MGST1: variants seen among roughly 807,000 people sequenced by gnomAD.
The protein encoded by MGST1 is glutathione S-transferase 12.
Under a neutral mutation model 8.9 loss-of-function variants are expected in MGST1, and 5 were observed. That is an observed-to-expected ratio of 0.56 (90% CI 0.29 to 1.19). MGST1 has a LOEUF of 1.19. Among genes scored for constraint, MGST1 ranks in the 50% most tolerant of loss-of-function variants. The pLI is 0.08. For missense variants in MGST1, 182 were observed against 187.4 expected, an observed-to-expected ratio of 0.97 and a Z score of 0.17; for synonymous variants, 54 against 67.8, an observed-to-expected ratio of 0.80 and a Z score of 1.00.
chr12:16,583,270 G>A (rs1372367757), intron 4 of MGST1, among the ~76,000 whole-genome samples: 1 of 152,098 alleles, frequency 6.6e-6, no homozygotes, highest in Non-Finnish European at 1.5e-5. Flanking sequence ...GGAGTGCAAA[G>A]GAGGTTGAGG....
chr12:16,362,292 C>G lies in MGST1; in HGVS notation c.222-1503C>G, dbSNP rs1160090651. Among the ~76,000 whole-genome samples the G allele has an allele frequency of 2.6e-5, 4 of 152,120 alleles. No individual in the cohort carries two copies. The highest frequency in any genetic ancestry group is 4.4e-5 in the Non-Finnish European group (3 of 68,030). The stretch of plus-strand genomic sequence containing the variant: ...GAAAGAGAGGGCACAGGAACACTCA[C>G]ACCATCCTCTCTTTGCTTTTATTCT... On this transcript the variant is annotated intron_variant, in intron 3 of 3. Transcript: ENST00000396210. This position sits in a 1 kb window ranked among gnomAD's most constrained non-coding sequence, Gnocchi z 4.4.
intron 4 of MGST1, chr12:16,551,236 G>C: frequency 6.2e-7 from 1 of 1,604,210 alleles, no homozygotes. Context: ...CGAACCTGGG[G>C]TGCATAACCT....
chr12:16,525,467 A>G (rs1160697370), intron 4 of MGST1, among the ~76,000 whole-genome samples: 2 of 151,470 alleles, frequency 1.3e-5, no homozygotes, highest in Non-Finnish European at 2.9e-5. Flanking sequence ...TACAAAGCAC[A>G]TGAACTCATC....
Position 16,517,782 on chromosome 12 carries a change from G to T in MGST1, n.483-71746G>T, listed in dbSNP as rs1302796470. Among the ~76,000 whole-genome samples the T allele has an allele frequency of 6.6e-6, 1 of 152,110 alleles. No individual in the cohort carries two copies. Among genetic ancestry groups the T allele is most frequent in the Admixed American group, 6.5e-5 (1 of 15,274 alleles). ...TAACAAAGTAGCAATAAATGCCAGTGGTGGACTTTGAGGTTTTTGGATTCT... is the reference window on the plus strand; with the variant it reads ...TAACAAAGTAGCAATAAATGCCAGTTGTGGACTTTGAGGTTTTTGGATTCT... On this transcript the variant is annotated intron_variant and non_coding_transcript_variant, in intron 4 of 4. Coordinates refer to the MGST1 transcript ENST00000538857. The surrounding 1 kb of genome is among the most constrained non-coding windows in gnomAD (Gnocchi z 4.2).
At position 16,517,354 on chromosome 12, in the gene MGST1, G is replaced by A. The variant is rs1941621374; in HGVS notation, n.483-72174G>A. 6.6e-6 allele frequency among the ~76,000 whole-genome samples: 1 copy of A among 152,132 alleles called. No homozygotes were observed. Among genetic ancestry groups the A allele is most frequent in the Admixed American group, 6.5e-5 (1 of 15,268 alleles). On this transcript the variant is annotated intron_variant and non_coding_transcript_variant, in intron 4 of 4. Transcript: ENST00000538857. The surrounding 1 kb of genome is among the most constrained non-coding windows in gnomAD (Gnocchi z 4.2). ...CTCCCCTTATGAATAGAATAATGTT[G>A]TTATCACAGGAGTGAATTTGTTATA...
chr12:16,536,305 T>C (rs943888719), intron 4 of MGST1, among the ~76,000 whole-genome samples: 2 of 152,202 alleles, frequency 1.3e-5, no homozygotes, highest in African/African-American at 4.8e-5. Flanking sequence ...CCATCTGTCA[T>C]TGTATTTCAT....
At position 16,547,847 on chromosome 12, in the gene MGST1, ACATAATTT is replaced by A. The variant is rs1941844796; in HGVS notation, n.483-41679_483-41672del. ...AGTGAACACTAAACATGTTTGGCCT[ACATAATTT>A]CTACGAAACTGTTTAAGTGATGATT... On this transcript the variant is annotated intron_variant and non_coding_transcript_variant, in intron 4 of 4. Transcript: ENST00000538857. The surrounding 1 kb of genome is among the most constrained non-coding windows in gnomAD (Gnocchi z 4.6). Among the ~76,000 whole-genome samples the A allele has an allele frequency of 6.6e-6, 1 of 152,312 alleles. No individual in the cohort carries two copies. Among genetic ancestry groups the A allele is most frequent in the South Asian group, 2.1e-4 (1 of 4,832 alleles).
At chr12:16,519,567 T>C (rs532259565) in intron 4 of MGST1, among the ~76,000 whole-genome samples, 4 of 152,228 alleles carry the variant, frequency 2.6e-5, no homozygotes, top group Non-Finnish European at 5.9e-5. Flanking sequence ...TTTCTTCTCC[T>C]TTTACTACTT....
chr12:16,428,467 T>C (rs1271753047), intron 1 of MGST1, among the ~76,000 whole-genome samples: 1 of 151,876 alleles, frequency 6.6e-6, no homozygotes, highest in Non-Finnish European at 1.5e-5. Context: ...ATTGAACATT[T>C]CTATTGTTTT....
At chr12:16,536,826 G>A (rs893875550) in intron 4 of MGST1, among the ~76,000 whole-genome samples, 26 of 152,144 alleles carry the variant, frequency 1.7e-4, no homozygotes, top group African/African-American at 6.0e-4. Flanking sequence ...ATCTCCTACT[G>A]GGTCCCTCCC....
intron 4 of MGST1, among the ~76,000 whole-genome samples, chr12:16,520,311 G>C (rs940531915): frequency 6.6e-6 from 1 of 152,124 alleles, no homozygotes; most frequent in African/African-American, 2.4e-5. Flanking sequence ...CAAAAAATCT[G>C]AGTGTACAAA....
At chr12:16,420,289 AT>A (rs757116949) in intron 1 of MGST1, among the ~76,000 whole-genome samples, 13 of 152,186 alleles carry the variant, frequency 8.5e-5, no homozygotes, top group Non-Finnish European at 1.5e-4. Context: ...AGATCTTTTG[AT>A]TGAAGAAGCC....
intron 4 of MGST1, among the ~76,000 whole-genome samples, chr12:16,561,266 T>C (rs1371732331): frequency 2.6e-5 from 4 of 152,190 alleles, no homozygotes. Context: ...ATAAAATGTC[T>C]CTCATTTCAT....
chr12:16,586,459 G>A lies in MGST1; in HGVS notation n.483-3069G>A, dbSNP rs1367582247. Among the ~76,000 whole-genome samples the A allele has an allele frequency of 6.6e-6, 1 of 152,128 alleles. No homozygotes were observed. Among genetic ancestry groups the A allele is most frequent in the Non-Finnish European group, 1.5e-5 (1 of 68,038 alleles). ...CACACAGCTGAGTCACAGAGGCCCT[G>A]GACAATGTGTCTGGACAAATCTCAC... On this transcript the variant is annotated intron_variant and non_coding_transcript_variant, in intron 4 of 4. Coordinates refer to the MGST1 transcript ENST00000538857. This position sits in a 1 kb window ranked among gnomAD's most constrained non-coding sequence, Gnocchi z 4.3.
chr12:16,355,038 C>G (rs1219601945), intron 2 of MGST1, among the ~76,000 whole-genome samples: 1 of 151,768 alleles, frequency 6.6e-6, no homozygotes, highest in African/African-American at 2.4e-5. Flanking sequence ...GAGCGAGGTT[C>G]CCTTTACAAA....
chr12:16,466,480 C>T (rs1332975907), intron 4 of MGST1, among the ~76,000 whole-genome samples: 2 of 152,194 alleles, frequency 1.3e-5, no homozygotes, highest in Admixed American at 6.5e-5. Context: ...GCTAACACAG[C>T]TTCCTTTTGT....
At chr12:16,583,193 A>G (rs1161336413) in intron 4 of MGST1, among the ~76,000 whole-genome samples, 1 of 152,188 alleles carries the variant, frequency 6.6e-6, no homozygotes, top group African/African-American at 2.4e-5. Flanking sequence ...GGCTTTAGCA[A>G]TTGGATGTCA....
rs139083781 is a variant in MGST1, at chr12:16,354,333, G to T, written c.81G>T (p.Met27Ile). Residue 27 changes from methionine (M) to isoleucine (I), a missense_variant, in exon 2 of 4, where the codon ATG becomes ATT. Physicochemically the swap from Met to Ile is conservative, Grantham distance 10 (BLOSUM62 1). Transcript: ENST00000396210. ...ASYATIILSK[M>I]MLMSTATAFY... Reference sequence around the variant, plus strand: ...ATGCAACAATTATTCTTTCAAAAATGATGCTTATGAGTACTGCAACTGCAT... The same window carrying T: ...ATGCAACAATTATTCTTTCAAAAATTATGCTTATGAGTACTGCAACTGCAT... 3.1e-6 allele frequency: 5 copies of T among 1,608,314 alleles called. No individual in the cohort carries two copies. The African/African-American group carries it at 6.7e-5, about 22-fold the overall frequency.
chr12:16,476,540 G>A (rs1378911140), intron 4 of MGST1, among the ~76,000 whole-genome samples: 1 of 152,094 alleles, frequency 6.6e-6, no homozygotes, highest in Non-Finnish European at 1.5e-5. Flanking sequence ...CCCTCAAAGA[G>A]GACAAAATCT....
Sources: gnomAD v4.1 joint callset for allele counts (sites outside exome capture counted in the v4.1 genomes callset) on GRCh38, gnomAD v4.1.1 for gene constraint, Gnocchi (gnomAD v3.1) non-coding constraint, MANE v1.5 for transcripts, NCBI Gene and HGNC (gene_info 2026-07-23, HGNC 2026-07-21) for gene names.